MAP7: variants seen among roughly 807,000 people sequenced by gnomAD.
The protein encoded by MAP7 is microtubule associated protein 7, also known as ensconsin.
In MAP7, 52 loss-of-function variants were observed where a neutral mutation model predicts 94.8. The ratio of observed to expected loss-of-function variants is 0.55; its 90% confidence interval spans 0.44 to 0.69. The LOEUF is 0.69. Among genes scored for constraint, MAP7 ranks in the 30% least tolerant of loss-of-function variants. MAP7 has a pLI of 0.00. For missense variants in MAP7, 940 were observed against 964.6 expected (o/e 0.97, Z 0.34); for synonymous variants, 350 against 357.0 (o/e 0.98, Z 0.22).
chr6:136,482,553 A>G (rs1813198927), intron 1 of MAP7, among the ~76,000 whole-genome samples: 1 of 151,770 alleles, frequency 6.6e-6, no homozygotes, highest in Non-Finnish European at 1.5e-5. Flanking sequence ...GTGAGCCAAG[A>G]TCGTGCCACC....
chr6:136,534,238 G>A (rs943276319), intron 1 of MAP7, among the ~76,000 whole-genome samples: 12 of 152,142 alleles, frequency 7.9e-5, no homozygotes, highest in Admixed American at 2.0e-4. Flanking sequence ...GCCACTGTGG[G>A]GACAAACAAG....
intron 4 of MAP7, 109 bp from the exon 5 acceptor site, chr6:136,388,619 A>G: frequency 1.2e-6 from 1 of 813,720 alleles, no homozygotes; most frequent in Admixed American, 2.1e-5. Context: ...CCACTCTACT[A>G]TTCTTGATCT....
chr6:136,439,648 A>C (rs1459013655), intron 1 of MAP7, among the ~76,000 whole-genome samples: 1 of 152,108 alleles, frequency 6.6e-6, no homozygotes, highest in Non-Finnish European at 1.5e-5. Flanking sequence ...ACTGAAATGC[A>C]CTTTCTGACC....
At chr6:136,525,742 C>T (rs1827635540) in intron 1 of MAP7, 7 of 1,381,748 alleles carry the variant, frequency 5.1e-6, no homozygotes, top group African/African-American at 2.9e-5. Flanking sequence ...GGAGCATGCA[C>T]GAGCAGCACA....
intron 1 of MAP7, among the ~76,000 whole-genome samples, chr6:136,547,551 T>G (rs1829826221): frequency 6.6e-6 from 1 of 152,160 alleles, no homozygotes; most frequent in Non-Finnish European, 1.5e-5. Context: ...CTAGTGGTGA[T>G]GTCTTAAACT....
chr6:136,354,279 C>A, intron 16 of MAP7, among the ~76,000 whole-genome samples: 1 of 143,366 alleles, frequency 7.0e-6, no homozygotes, highest in South Asian at 2.1e-4. Flanking sequence ...TATATATCTA[C>A]TATATATAAA....
rs911366872 is a variant in MAP7, at chr6:136,431,342, C to T, written c.68-9543G>A. On this transcript the variant is annotated intron_variant, in intron 1 of 17. Transcript: ENST00000354570. Reference sequence around the variant, plus strand: ...GAGAGGCAAAACAAAAAAATGTGTTCCACATTAAAATAAAACAAAACCAAA... The same window carrying T: ...GAGAGGCAAAACAAAAAAATGTGTTTCACATTAAAATAAAACAAAACCAAA... Among the ~76,000 whole-genome samples, 176 of 152,192 alleles carry T rather than the reference C, an allele frequency of 1.2e-3. 4 individuals are homozygous for T. The highest frequency in any genetic ancestry group is 2.1e-4 in the Non-Finnish European group (14 of 68,010).
At chr6:136,417,718 T>G (rs899831293) in intron 2 of MAP7, among the ~76,000 whole-genome samples, 16 of 152,178 alleles carry the variant, frequency 1.1e-4, no homozygotes, top group Admixed American at 3.3e-4. Flanking sequence ...AAACCCGATT[T>G]CTAACTCAGT....
intron 3 of MAP7, among the ~76,000 whole-genome samples, chr6:136,391,437 A>G (rs1780681340): frequency 6.8e-6 from 1 of 146,904 alleles, no homozygotes; most frequent in Non-Finnish European, 1.5e-5. Flanking sequence ...GCATTGGGAG[A>G]TATACCTAAT....
intron 1 of MAP7, among the ~76,000 whole-genome samples, chr6:136,428,032 GTATAGTTA>G (rs1195743241): frequency 6.6e-6 from 1 of 152,214 alleles, no homozygotes; most frequent in African/African-American, 2.4e-5. Flanking sequence ...CCAACATGGT[GTATAGTTA>G]TATGACACAT....
At chr6:136,405,852 T>C (rs946925141) in intron 3 of MAP7, among the ~76,000 whole-genome samples, 5 of 152,146 alleles carry the variant, frequency 3.3e-5, no homozygotes, top group African/African-American at 1.2e-4. Flanking sequence ...TGCTGATGGA[T>C]TGGTTATGGG....
chr6:136,395,723 AT>A (rs1205954184), intron 3 of MAP7, among the ~76,000 whole-genome samples: 1 of 151,968 alleles, frequency 6.6e-6, no homozygotes, highest in African/African-American at 2.4e-5. Context: ...TTTTGAGTTG[AT>A]TTTTGCATAT....
At chr6:136,448,549 G>A (rs1800059731) in intron 1 of MAP7, among the ~76,000 whole-genome samples, 1 of 151,798 alleles carries the variant, frequency 6.6e-6, no homozygotes. Flanking sequence ...CAAGTAGCTG[G>A]GACTACAGGC....
chr6:136,509,833 G>A (rs1822716695), intron 1 of MAP7, among the ~76,000 whole-genome samples: 1 of 152,178 alleles, frequency 6.6e-6, no homozygotes, highest in African/African-American at 2.4e-5. Flanking sequence ...TTGGATTACA[G>A]GCGTGAGCTA....
Position 136,531,267 on chromosome 6 carries a change from A to G in MAP7, c.67+19075T>C, listed in dbSNP as rs117620107. Among the ~76,000 whole-genome samples the G allele has an allele frequency of 7.0e-4, 101 of 145,048 alleles. 4 individuals are homozygous for G. The highest frequency in any genetic ancestry group is 1.2e-3 in the Non-Finnish European group (82 of 67,964). The stretch of plus-strand genomic sequence containing the variant: ...AGATTCCAAATGAGGGAAAGAAATC[A>G]ATCGCTGGGTTCAACAGAAGATTCA... On this transcript the variant is annotated intron_variant, in intron 1 of 17. Coordinates refer to ENST00000354570, the MANE Select transcript of MAP7 (RefSeq NM_003980.6).
intron 1 of MAP7, among the ~76,000 whole-genome samples, chr6:136,428,014 A>C (rs535114012): frequency 6.6e-6 from 1 of 152,374 alleles, no homozygotes; most frequent in Non-Finnish European, 1.5e-5. Context: ...TGACTTTATA[A>C]ATACAGTCCA....
chr6:136,542,323 ACCATTCACATTTAGCTTACAGAACCT>A (rs1829391175), intron 1 of MAP7, among the ~76,000 whole-genome samples: 1 of 152,228 alleles, frequency 6.6e-6, no homozygotes, highest in South Asian at 2.1e-4. Flanking sequence ...AAGCCTAAAT[ACCATTCACATTTAGCTTACAGAACCT>A]TAGACCATGA....
intron 1 of MAP7, among the ~76,000 whole-genome samples, chr6:136,426,352 C>T (rs968378353): frequency 6.6e-6 from 1 of 152,164 alleles, no homozygotes; most frequent in Non-Finnish European, 1.5e-5. Flanking sequence ...CACTGTGCTA[C>T]GCAGTGAGAA....
chr6:136,478,229 C>T (rs1340435754), intron 1 of MAP7, among the ~76,000 whole-genome samples: 3 of 151,994 alleles, frequency 2.0e-5, no homozygotes, highest in Non-Finnish European at 2.9e-5. Context: ...TTGTACAGAA[C>T]AAGAATAGCA....
Sources: gnomAD v4.1 joint callset for allele counts (sites outside exome capture counted in the v4.1 genomes callset) on GRCh38, gnomAD v4.1.1 for gene constraint, MANE v1.5 for transcripts, NCBI Gene and HGNC (gene_info 2026-07-23, HGNC 2026-07-21) for gene names.